Variants in LYPLAL1 observed in about 807,000 individuals in gnomAD.
LYPLAL1 encodes lysophospholipase like 1.
LYPLAL1 carries 23 observed loss-of-function variants against 19.7 expected under a neutral mutation model. That is an observed-to-expected ratio of 1.17 (90% CI 0.84 to 1.65). The LOEUF is 1.65. Ranked by LOEUF, LYPLAL1 falls within the 40% of genes most tolerant of loss-of-function variation. LYPLAL1 has a pLI of 0.00. For missense variants in LYPLAL1, 355 were observed against 279.4 expected, an observed-to-expected ratio of 1.27 and a Z score of -1.93; for synonymous variants, 119 against 96.3, an observed-to-expected ratio of 1.24 and a Z score of -1.38.
rs116252004 is a variant in LYPLAL1 at position 219,196,271 on chromosome 1, G to A, written c.361+3020G>A. Among the ~76,000 whole-genome samples, 873 of 152,146 alleles carry A rather than the reference G, an allele frequency of 5.7e-3. 10 individuals carry two copies. Among genetic ancestry groups the A allele is most frequent in the Non-Finnish European group, 9.3e-3 (634 of 68,004 alleles). ...TGCCACACTGTCTTCCACAATCCTT[G>A]AACTAATTAACATTTTCATCAACAG... On this transcript the variant is annotated intron_variant, in intron 3 of 4. Transcript: ENST00000366928.
At chr1:219,247,203 T>C in the LYPLAL1 span, among the ~76,000 whole-genome samples, 1 of 152,240 alleles carries the variant, frequency 6.6e-6, no homozygotes, top group Non-Finnish European at 1.5e-5. Context: ...ATGTGTTGCA[T>C]TTTCTAGTAC....
the LYPLAL1 span, among the ~76,000 whole-genome samples, chr1:219,342,502 A>C: frequency 2.0e-5 from 3 of 152,130 alleles, no homozygotes; most frequent in Non-Finnish European, 2.9e-5. Context: ...TGTTATGAGC[A>C]ACAAACTCCA....
At chr1:219,320,577 C>T in the LYPLAL1 span, among the ~76,000 whole-genome samples, 1 of 152,126 alleles carries the variant, frequency 6.6e-6, no homozygotes, top group African/African-American at 2.4e-5. Flanking sequence ...TCTCCTAATG[C>T]TATCCCTCCC....
the LYPLAL1 span, among the ~76,000 whole-genome samples, chr1:219,441,553 G>GT: frequency 5.3e-5 from 8 of 152,264 alleles, no homozygotes; most frequent in African/African-American, 1.9e-4. Context: ...ACAATGAAGT[G>GT]TTTTTGAAAA....
the LYPLAL1 span, among the ~76,000 whole-genome samples, chr1:219,227,978 CA>C: frequency 4.6e-5 from 7 of 152,134 alleles, no homozygotes; most frequent in Non-Finnish European, 1.0e-4. Flanking sequence ...GTTCAGGACC[CA>C]AGTTCATCCC....
At chr1:219,230,399 C>T in the LYPLAL1 span, among the ~76,000 whole-genome samples, 886 of 152,198 alleles carry the variant, frequency 5.8e-3, 8 homozygotes, top group African/African-American at 0.021. Flanking sequence ...GCGTGAGCCA[C>T]CGCACCCGGC....
chr1:219,247,644 C>G, the LYPLAL1 span, among the ~76,000 whole-genome samples: 1 of 152,098 alleles, frequency 6.6e-6, no homozygotes, highest in Non-Finnish European at 1.5e-5. Context: ...GATTGGTAAC[C>G]AGGAAAGCTC....
intron 2 of LYPLAL1, among the ~76,000 whole-genome samples, chr1:219,186,063 A>G (rs1423589231): frequency 2.0e-5 from 3 of 151,828 alleles, no homozygotes; most frequent in Non-Finnish European, 1.5e-5. Flanking sequence ...ATATAACCCC[A>G]TGGGACCTAA....
At chr1:219,383,455 A>AC in the LYPLAL1 span, among the ~76,000 whole-genome samples, 1 of 152,218 alleles carries the variant, frequency 6.6e-6, no homozygotes, top group Non-Finnish European at 1.5e-5. Context: ...TCACTGCACT[A>AC]CCACAGGTCA....
the LYPLAL1 span, among the ~76,000 whole-genome samples, chr1:219,240,191 C>T: frequency 1.3e-5 from 2 of 151,770 alleles, no homozygotes; most frequent in African/African-American, 4.8e-5. Flanking sequence ...TGTACATTGT[C>T]CTGGACCTAA....
At chr1:219,277,100 G>GGC in the LYPLAL1 span, among the ~76,000 whole-genome samples, 2 of 152,130 alleles carry the variant, frequency 1.3e-5, no homozygotes, top group Non-Finnish European at 2.9e-5. Context: ...TATCTAGAAG[G>GGC]GCGCTGGTCC....
In LYPLAL1 at chr1:219,211,558, G is replaced by A. The variant is rs1186747389; in HGVS notation, c.544G>A (p.Val182Ile). The change falls in exon 5 of 5, where the codon GTT (valine) becomes ATT (isoleucine). Residue 182 changes from valine to isoleucine, a missense_variant. By Grantham distance (29) the Val-to-Ile change is conservative (BLOSUM62 3). Transcript: ENST00000366928. ...GTGTCATGGTACTGCAGATGAGTTA[G>A]TTCTTCATTCTTGGGCAGAAGAGAC... ...FQCHGTADELVLHSWAEETNS... is the reference protein window; with the variant it reads ...FQCHGTADELILHSWAEETNS... 5.6e-6 allele frequency: 9 copies of A among 1,613,376 alleles called. No homozygotes were observed. Among genetic ancestry groups the A allele is most frequent in the Non-Finnish European group, 7.6e-6 (9 of 1,179,536 alleles).
chr1:219,268,114 C>T, the LYPLAL1 span, among the ~76,000 whole-genome samples: 4 of 152,140 alleles, frequency 2.6e-5, no homozygotes, highest in Non-Finnish European at 5.9e-5. Context: ...CACAAAAATT[C>T]CTGCCCTCGT....
chr1:219,327,325 A>T, the LYPLAL1 span, among the ~76,000 whole-genome samples: 2 of 152,134 alleles, frequency 1.3e-5, no homozygotes, highest in Non-Finnish European at 2.9e-5. Context: ...TTGCTCATGT[A>T]TTCTACTGGC....
chr1:219,313,088 CGTT>C, the LYPLAL1 span, among the ~76,000 whole-genome samples: 1 of 152,232 alleles, frequency 6.6e-6, no homozygotes, highest in African/African-American at 2.4e-5. Context: ...AGGCAGATCT[CGTT>C]GTTCTGTCTC....
chr1:219,291,692 G>T, the LYPLAL1 span, among the ~76,000 whole-genome samples: 1 of 151,992 alleles, frequency 6.6e-6, no homozygotes, highest in Non-Finnish European at 1.5e-5. Flanking sequence ...CTATTTAGGT[G>T]CCAAGTTAGG....
the LYPLAL1 span, among the ~76,000 whole-genome samples, chr1:219,389,347 G>T: frequency 6.6e-6 from 1 of 152,124 alleles, no homozygotes; most frequent in Non-Finnish European, 1.5e-5. Flanking sequence ...CTGAGTATGA[G>T]GAAATGGCCA....
chr1:219,354,712 T>G, the LYPLAL1 span, among the ~76,000 whole-genome samples: 7 of 152,140 alleles, frequency 4.6e-5, no homozygotes, highest in Non-Finnish European at 8.8e-5. Context: ...TTAAACAAAT[T>G]AAAGCTAATA....
At chr1:219,408,245 T>A in the LYPLAL1 span, among the ~76,000 whole-genome samples, 35 of 152,336 alleles carry the variant, frequency 2.3e-4, 1 homozygote, top group South Asian at 7.3e-3. Flanking sequence ...TTCTCTGTGA[T>A]GTTGAGAGCA....
Sources: gnomAD v4.1 joint callset for allele counts (sites outside exome capture counted in the v4.1 genomes callset) on GRCh38, gnomAD v4.1.1 for gene constraint, MANE v1.5 for transcripts, NCBI Gene and HGNC (gene_info 2026-07-23, HGNC 2026-07-21) for gene names.